ATP8A2: variants seen among roughly 807,000 people sequenced by gnomAD.
ATP8A2 encodes the protein phospholipid-transporting ATPase IB.
Under a neutral mutation model 165.6 loss-of-function variants are expected in ATP8A2, and 100 were observed. The observed-to-expected ratio is 0.60, with a 90% CI of 0.51 to 0.71. The LOEUF is 0.71. Ranked by LOEUF, ATP8A2 falls within the 30% of genes least tolerant of loss-of-function variation. The probability of loss-of-function intolerance (pLI) is 0.00; values close to 1 mark genes in which losing one functional copy is unlikely to be tolerated. For missense variants in ATP8A2, 1,227 were observed against 1,479.5 expected, an observed-to-expected ratio of 0.83 and a Z score of 2.80; for synonymous variants, 543 against 548.8, an observed-to-expected ratio of 0.99 and a Z score of 0.15.
At chr13:25,392,929 A>G (rs941724211) in intron 1 of ATP8A2, among the ~76,000 whole-genome samples, 1 of 151,838 alleles carries the variant, frequency 6.6e-6, no homozygotes, top group East Asian at 1.9e-4. Flanking sequence ...AAAACAAAAA[A>G]GAAAAATGAA....
chr13:25,973,185 G>A (rs572849729), intron 35 of ATP8A2, among the ~76,000 whole-genome samples: 2 of 152,302 alleles, frequency 1.3e-5, no homozygotes, highest in South Asian at 4.1e-4. Flanking sequence ...CCTGGGTGTA[G>A]CTTACGCTGT....
intron 25 of ATP8A2, among the ~76,000 whole-genome samples, chr13:25,765,702 A>G (rs944886508): frequency 6.6e-6 from 1 of 152,132 alleles, no homozygotes; most frequent in African/African-American, 2.4e-5. Context: ...GGATGTTCAT[A>G]GATTGTACTT....
chr13:25,541,424 G>A (rs764997896), intron 8 of ATP8A2, among the ~76,000 whole-genome samples: 6 of 152,156 alleles, frequency 3.9e-5, no homozygotes, highest in Non-Finnish European at 5.9e-5. Context: ...TTAGGAGGCT[G>A]AGGTGGGAGG....
chr13:26,003,459 C>T (rs184943483), intron 35 of ATP8A2, among the ~76,000 whole-genome samples: 6 of 152,032 alleles, frequency 3.9e-5, no homozygotes, highest in Admixed American at 6.5e-5. Context: ...CAAATATTTT[C>T]TCTCACTCTT....
chr13:25,541,820 A>T, intron 8 of ATP8A2, 99 bp from the exon 9 acceptor site: 1 of 1,298,584 alleles, frequency 7.7e-7, no homozygotes, highest in South Asian at 1.5e-5. Context: ...TGCACTGGAG[A>T]TGCCTTATTT....
chr13:25,508,706 A>G (rs1170698086), intron 2 of ATP8A2, among the ~76,000 whole-genome samples: 1 of 152,226 alleles, frequency 6.6e-6, no homozygotes, highest in Non-Finnish European at 1.5e-5. Flanking sequence ...CCATGTGTAA[A>G]TCACTTACAT....
chr13:25,728,788 A>G (rs1177615577), intron 25 of ATP8A2, among the ~76,000 whole-genome samples: 11 of 152,170 alleles, frequency 7.2e-5, no homozygotes, highest in Non-Finnish European at 1.3e-4. Context: ...TTGATTAGAC[A>G]TCTTCATTGC....
chr13:25,712,995 A>G (rs1196640510), intron 25 of ATP8A2, among the ~76,000 whole-genome samples: 1 of 152,228 alleles, frequency 6.6e-6, no homozygotes, highest in African/African-American at 2.4e-5. Flanking sequence ...TATTTAGTTT[A>G]CTATACCATG....
intron 1 of ATP8A2, among the ~76,000 whole-genome samples, chr13:25,416,759 T>C (rs1028684055): frequency 6.6e-6 from 1 of 152,196 alleles, no homozygotes; most frequent in Non-Finnish European, 1.5e-5. Context: ...CAATACTACT[T>C]CCAGAAGGGT....
chr13:25,518,877 T>C (rs1003651591), intron 2 of ATP8A2, among the ~76,000 whole-genome samples: 1 of 152,058 alleles, frequency 6.6e-6, no homozygotes, highest in Non-Finnish European at 1.5e-5. Context: ...ACCCCATGAG[T>C]TGGGCTCCTC....
intron 24 of ATP8A2, among the ~76,000 whole-genome samples, chr13:25,619,479 T>C (rs1481569238): frequency 6.6e-6 from 1 of 152,058 alleles, no homozygotes; most frequent in Non-Finnish European, 1.5e-5. Flanking sequence ...ACTACAAAAA[T>C]TGAAGATACT....
At chr13:25,809,856 T>C (rs1950822722) in intron 27 of ATP8A2, among the ~76,000 whole-genome samples, 1 of 151,962 alleles carries the variant, frequency 6.6e-6, no homozygotes, top group Non-Finnish European at 1.5e-5. Context: ...ATGTGTTCAA[T>C]AAATGATCAA....
intron 2 of ATP8A2, among the ~76,000 whole-genome samples, chr13:25,505,658 G>A (rs967547152): frequency 1.3e-5 from 2 of 152,098 alleles, no homozygotes; most frequent in African/African-American, 4.8e-5. Flanking sequence ...GTTTCGCTCC[G>A]CAGGTCTGGA....
intron 25 of ATP8A2, among the ~76,000 whole-genome samples, chr13:25,699,609 G>C (rs942952612): frequency 6.6e-6 from 1 of 152,168 alleles, no homozygotes; most frequent in Admixed American, 6.5e-5. Context: ...CACCATGGGG[G>C]ATAAATTGGA....
chr13:25,608,594 A>T (rs2138417308), intron 24 of ATP8A2, among the ~76,000 whole-genome samples: 1 of 152,262 alleles, frequency 6.6e-6, no homozygotes, highest in Non-Finnish European at 1.5e-5. Flanking sequence ...TAGATAGTAA[A>T]TATTTTAGGC....
At chr13:25,709,537 A>G (rs2043118700) in intron 25 of ATP8A2, among the ~76,000 whole-genome samples, 1 of 152,206 alleles carries the variant, frequency 6.6e-6, no homozygotes, top group African/African-American at 2.4e-5. Context: ...TTTCTGAAAC[A>G]GAATAACAAT....
intron 2 of ATP8A2, among the ~76,000 whole-genome samples, chr13:25,508,203 T>C (rs1171111778): frequency 6.6e-6 from 1 of 152,198 alleles, no homozygotes; most frequent in East Asian, 1.9e-4. Context: ...TATATTAAAA[T>C]TTATGCTCCT....
rs578018209 is a variant in ATP8A2, at chr13:25,873,353, G to A, written c.3183+10945G>A. 9.1e-4 allele frequency among the ~76,000 whole-genome samples: 139 copies of A among 152,204 alleles called. 2 individuals are homozygous for A. In the South Asian group the frequency reaches 0.021, roughly 23 times the overall value. On this transcript the variant is annotated intron_variant, in intron 33 of 36. Transcript: ENST00000381655. Reference sequence around the variant, plus strand: ...CTCAAGTCATTTTTCCACAATGTTGGCTAATCATTTTCTCCTGAATGTTGG... The same window carrying A: ...CTCAAGTCATTTTTCCACAATGTTGACTAATCATTTTCTCCTGAATGTTGG...
intron 10 of ATP8A2, among the ~76,000 whole-genome samples, chr13:25,550,068 G>A (rs550078962): frequency 1.1e-4 from 17 of 152,296 alleles, no homozygotes; most frequent in African/African-American, 4.1e-4. Context: ...ACTTGGGGAG[G>A]CCGAGGAGGG....
Sources: gnomAD v4.1 joint callset for allele counts (sites outside exome capture counted in the v4.1 genomes callset) on GRCh38, gnomAD v4.1.1 for gene constraint, MANE v1.5 for transcripts, NCBI Gene and HGNC (gene_info 2026-07-23, HGNC 2026-07-21) for gene names.